The following CTNNA3 variants were observed in gnomAD, a reference collection of about 807,000 sequenced individuals.
CTNNA3 encodes catenin alpha 3.
CTNNA3 carries 76 observed loss-of-function variants against 95.7 expected under a neutral mutation model. That is an observed-to-expected ratio of 0.79 (90% confidence interval 0.66 to 0.96). The LOEUF is 0.96. Among genes scored for constraint, CTNNA3 ranks in the 40% least tolerant of loss-of-function variants. CTNNA3 has a pLI of 0.00. For synonymous variants in CTNNA3, 431 were observed against 374.4 expected (o/e 1.15, Z -1.74); for missense variants, 1,191 against 1,089.8 (o/e 1.09, Z -1.31).
rs187161620 is a variant in CTNNA3 at position 66,159,369 on chromosome 10, C to T, written c.1885-56120G>A. ...TTTGCTTTGAGTTTTAATCATAAAG[C>T]GATGCTAGATTTTGTCAGGTGCTTT... is the stretch of plus-strand genomic sequence containing the variant. On this transcript the variant is annotated intron_variant, in intron 13 of 17. Transcript: ENST00000433211. Among the ~76,000 whole-genome samples, 19 of 151,860 alleles carry T rather than the reference C, an allele frequency of 1.3e-4. No individual in the cohort carries two copies. In the East Asian group the frequency reaches 3.1e-3, roughly 25 times the overall value.
chr10:67,335,120 C>A (rs1242382156), intron 5 of CTNNA3, among the ~76,000 whole-genome samples: 1 of 152,138 alleles, frequency 6.6e-6, no homozygotes, highest in Non-Finnish European at 1.5e-5. Flanking sequence ...CACATTCTCC[C>A]CATCTGTTTG....
chr10:66,659,442 T>TGG (rs1337738874), intron 9 of CTNNA3, among the ~76,000 whole-genome samples: 2 of 152,156 alleles, frequency 1.3e-5, no homozygotes, highest in African/African-American at 4.8e-5. Context: ...CTGAGATCTT[T>TGG]GCTTCTATTA....
chr10:67,535,484 A>G (rs557686077), intron 4 of CTNNA3, among the ~76,000 whole-genome samples: 2 of 152,274 alleles, frequency 1.3e-5, no homozygotes, highest in East Asian at 3.9e-4. Context: ...GACTAGTATC[A>G]GAGGAGGAAG....
intron 5 of CTNNA3, among the ~76,000 whole-genome samples, chr10:67,223,486 T>A (rs1260633765): frequency 6.6e-6 from 1 of 152,190 alleles, no homozygotes; most frequent in Non-Finnish European, 1.5e-5. Flanking sequence ...AATCTTTTTT[T>A]AAATGCTCCA....
chr10:66,908,922 G>C (rs1305367690), intron 7 of CTNNA3, among the ~76,000 whole-genome samples: 6 of 152,150 alleles, frequency 3.9e-5, no homozygotes, highest in Non-Finnish European at 5.9e-5. Context: ...ACCTAGAATG[G>C]GAAGTAGCAC....
At chr10:67,408,488 G>A (rs1379126714) in intron 5 of CTNNA3, among the ~76,000 whole-genome samples, 1 of 152,042 alleles carries the variant, frequency 6.6e-6, no homozygotes, top group African/African-American at 2.4e-5. Context: ...AATGGGGAAA[G>A]GATTCCCTAT....
chr10:66,215,908 C>G (rs1002998449), intron 13 of CTNNA3, among the ~76,000 whole-genome samples: 3 of 152,252 alleles, frequency 2.0e-5, no homozygotes, highest in Non-Finnish European at 2.9e-5. Flanking sequence ...TTCTCTCACA[C>G]TACCTCTCCA....
chr10:66,378,124 C>T (rs1033818199), intron 12 of CTNNA3, among the ~76,000 whole-genome samples: 2 of 152,116 alleles, frequency 1.3e-5, no homozygotes, highest in South Asian at 2.1e-4. Context: ...CACTTCAGAC[C>T]TAGTCTCTAG....
chr10:67,045,585 T>C (rs113698684), intron 7 of CTNNA3, among the ~76,000 whole-genome samples: 3,323 of 152,260 alleles, frequency 0.022, 127 homozygotes, highest in African/African-American at 0.074. Context: ...CGAACTTCCA[T>C]TGCGTGACGG....
intron 7 of CTNNA3, among the ~76,000 whole-genome samples, chr10:67,061,532 TC>T: frequency 6.6e-6 from 1 of 152,222 alleles, no homozygotes; most frequent in East Asian, 1.9e-4. Context: ...AGGCTGCACT[TC>T]CCTTGTCCCT....
At chr10:67,509,607 T>C (rs1043622604) in intron 5 of CTNNA3, among the ~76,000 whole-genome samples, 1 of 152,220 alleles carries the variant, frequency 6.6e-6, no homozygotes, top group East Asian at 1.9e-4. Context: ...AATATTTGGG[T>C]TGGTTCCAAG....
intron 10 of CTNNA3, among the ~76,000 whole-genome samples, chr10:66,564,014 C>A (rs1173487666): frequency 1.3e-5 from 2 of 152,064 alleles, no homozygotes; most frequent in African/African-American, 4.8e-5. Flanking sequence ...GTACCTCCAC[C>A]ACCTTGGGCA....
chr10:67,019,868 A>G (rs374096698), intron 7 of CTNNA3, among the ~76,000 whole-genome samples: 3 of 152,312 alleles, frequency 2.0e-5, no homozygotes, highest in Admixed American at 6.5e-5. Context: ...GTTCTTGCCT[A>G]ATTTTCTCCA....
In CTNNA3 at chr10:67,483,944, A is replaced by G. The variant is rs752229407; in HGVS notation, c.579+37898T>C. Among the ~76,000 whole-genome samples the G allele has an allele frequency of 5.3e-5, 8 of 152,284 alleles. No homozygotes were observed. The South Asian group carries it at 1.7e-3, about 32-fold the overall frequency. On this transcript the variant is annotated intron_variant, in intron 5 of 17. Transcript: ENST00000433211. ...TCAACAATATTCCTATCAAACTGCC[A>G]ATGACATTTTTCACAGGATTAGAAA...
intron 4 of CTNNA3, among the ~76,000 whole-genome samples, chr10:67,523,175 G>C (rs968065318): frequency 6.6e-6 from 1 of 152,176 alleles, no homozygotes; most frequent in Non-Finnish European, 1.5e-5. Context: ...AAATAACAGT[G>C]CTAAGCTTCC....
intron 17 of CTNNA3, among the ~76,000 whole-genome samples, chr10:65,923,584 T>A (rs935920057): frequency 6.6e-6 from 1 of 152,180 alleles, no homozygotes; most frequent in Non-Finnish European, 1.5e-5. Flanking sequence ...CTTTGTTAAA[T>A]CCAGGCAAAG....
intron 5 of CTNNA3, among the ~76,000 whole-genome samples, chr10:67,300,440 T>C (rs78815509): frequency 0.041 from 6,282 of 152,236 alleles, 185 homozygotes; most frequent in South Asian, 0.1. Flanking sequence ...CCCTCACCAA[T>C]GCATATTATA....
At chr10:67,464,825 T>C (rs1032112564) in intron 5 of CTNNA3, among the ~76,000 whole-genome samples, 6 of 151,824 alleles carry the variant, frequency 4.0e-5, no homozygotes, top group Middle Eastern at 3.4e-3. Flanking sequence ...ACCTTCCACA[T>C]TGACCGTTTC....
chr10:66,126,994 C>A (rs1024532099), intron 13 of CTNNA3, among the ~76,000 whole-genome samples: 1 of 151,994 alleles, frequency 6.6e-6, no homozygotes, highest in African/African-American at 2.4e-5. Flanking sequence ...AATGGCCGGG[C>A]GCGGTGGCTC....
Sources: gnomAD v4.1 joint callset for allele counts (sites outside exome capture counted in the v4.1 genomes callset) on GRCh38, gnomAD v4.1.1 for gene constraint, MANE v1.5 for transcripts, NCBI Gene and HGNC (gene_info 2026-07-23, HGNC 2026-07-21) for gene names.